ADGRL2: variants seen among roughly 807,000 people sequenced by gnomAD.
ADGRL2 encodes calcium-independent alpha-latrotoxin receptor 2.
Under a neutral mutation model 157.4 loss-of-function variants are expected in ADGRL2, and 44 were observed. That is an observed-to-expected ratio of 0.28 (90% confidence interval 0.22 to 0.36). ADGRL2 has a LOEUF of 0.36. ADGRL2 is among the 10% of genes least tolerant of loss of function. ADGRL2 has a pLI of 1.00. For missense variants in ADGRL2, 1,510 were observed against 1,768.9 expected (o/e 0.85, Z 2.63); for synonymous variants, 585 against 624.7 (o/e 0.94, Z 0.95).
At chr1:81,316,264 T>C (rs989110483) in intron 1 of ADGRL2, among the ~76,000 whole-genome samples, 5 of 152,212 alleles carry the variant, frequency 3.3e-5, no homozygotes, top group African/African-American at 9.6e-5. Flanking sequence ...CAGATTATAA[T>C]TAGTTAATTT....
At chr1:81,653,320 G>GTTTT (rs375033003) in intron 3 of ADGRL2, among the ~76,000 whole-genome samples, 13,056 of 135,056 alleles carry the variant, frequency 0.097, 673 homozygotes, top group Middle Eastern at 0.21. Flanking sequence ...AACCTTTAGG[G>GTTTT]TTTTTTTTTT....
At chr1:81,795,311 T>C (rs1024300877) in intron 2 of ADGRL2, among the ~76,000 whole-genome samples, 1 of 151,988 alleles carries the variant, frequency 6.6e-6, no homozygotes, top group Non-Finnish European at 1.5e-5. Flanking sequence ...GCCCAGAAGG[T>C]CAATGCTGCA....
intron 2 of ADGRL2, among the ~76,000 whole-genome samples, chr1:81,507,313 T>C (rs778899401): frequency 3.3e-5 from 5 of 152,058 alleles, no homozygotes; most frequent in Non-Finnish European, 7.4e-5. Context: ...TGATAGAAAG[T>C]TCTACAAGGC....
At chr1:81,725,981 T>TAAAAC (rs146873952) in intron 1 of ADGRL2, among the ~76,000 whole-genome samples, 8,443 of 151,886 alleles carry the variant, frequency 0.056, 559 homozygotes, top group East Asian at 0.36. Flanking sequence ...AGACCATGTC[T>TAAAAC]AAAACAAAAC....
chr1:81,746,868 G>A (rs1487080450), intron 1 of ADGRL2, among the ~76,000 whole-genome samples: 6 of 149,008 alleles, frequency 4.0e-5, no homozygotes, highest in Non-Finnish European at 7.4e-5. Context: ...ACGTATACAC[G>A]TATATACACA....
At chr1:81,473,346 G>A (rs1461493063) in intron 2 of ADGRL2, among the ~76,000 whole-genome samples, 1 of 152,162 alleles carries the variant, frequency 6.6e-6, no homozygotes, top group Admixed American at 6.5e-5. Context: ...AGTCTATTGA[G>A]CACTTGAGAT....
At chr1:81,356,952 C>CAAAAAAAAAAAAAAAGAAA (rs1663348799) in intron 1 of ADGRL2, among the ~76,000 whole-genome samples, 1 of 55,668 alleles carries the variant, frequency 1.8e-5, no homozygotes, top group African/African-American at 7.4e-5. Context: ...GACTCCGTCT[C>CAAAAAAAAAAAAAAAGAAA]AAAAAAAAAA....
chr1:81,901,611 A>C (rs2094488951), intron 2 of ADGRL2, among the ~76,000 whole-genome samples: 1 of 151,618 alleles, frequency 6.6e-6, no homozygotes, highest in Non-Finnish European at 1.5e-5. Flanking sequence ...TCTTCCCGTG[A>C]GTCAGTATTC....
chr1:81,358,815 C>T (rs1489823158), intron 1 of ADGRL2, among the ~76,000 whole-genome samples: 1 of 152,072 alleles, frequency 6.6e-6, no homozygotes, highest in Non-Finnish European at 1.5e-5. Flanking sequence ...TAATCAATTA[C>T]ACAAACTTAT....
At chr1:81,546,786 A>G (rs1324910816) in intron 2 of ADGRL2, among the ~76,000 whole-genome samples, 1 of 152,170 alleles carries the variant, frequency 6.6e-6, no homozygotes, top group Non-Finnish European at 1.5e-5. Flanking sequence ...TGAGGTACAC[A>G]TAATCTTAGG....
At chr1:81,846,325 T>C (rs1264792489) in intron 2 of ADGRL2, among the ~76,000 whole-genome samples, 1 of 149,242 alleles carries the variant, frequency 6.7e-6, no homozygotes, top group African/African-American at 2.5e-5. Flanking sequence ...AAATGATTTT[T>C]GTATCCCATG....
At chr1:81,973,093 G>C (rs1659232146) in intron 17 of ADGRL2, among the ~76,000 whole-genome samples, 1 of 152,044 alleles carries the variant, frequency 6.6e-6, no homozygotes, top group Middle Eastern at 3.4e-3. Context: ...ATGAAATTGA[G>C]AAAAACTTCT....
intron 1 of ADGRL2, among the ~76,000 whole-genome samples, chr1:81,322,206 G>A (rs1277838788): frequency 6.9e-6 from 1 of 144,994 alleles, no homozygotes; most frequent in African/African-American, 2.6e-5. Flanking sequence ...ATATATATAC[G>A]CACACACTGT....
intron 1 of ADGRL2, among the ~76,000 whole-genome samples, chr1:81,405,577 G>T (rs1161635377): frequency 6.7e-6 from 1 of 149,994 alleles, no homozygotes; most frequent in Non-Finnish European, 1.5e-5. Flanking sequence ...CTGAGCCTGG[G>T]AGGCAGAGGC....
intron 1 of ADGRL2, among the ~76,000 whole-genome samples, chr1:81,432,004 AG>A: frequency 6.6e-6 from 1 of 152,288 alleles, no homozygotes; most frequent in Middle Eastern, 3.4e-3. Context: ...ACCACCCAAA[AG>A]TTATTGCTAA....
intron 1 of ADGRL2, among the ~76,000 whole-genome samples, chr1:81,308,918 T>C: frequency 6.6e-6 from 1 of 152,182 alleles, no homozygotes; most frequent in East Asian, 1.9e-4. Flanking sequence ...TACTCCATTT[T>C]AGTGTGCCTT....
intron 2 of ADGRL2, among the ~76,000 whole-genome samples, chr1:81,473,395 A>C (rs1052245106): frequency 6.6e-6 from 1 of 152,178 alleles, no homozygotes; most frequent in Non-Finnish European, 1.5e-5. Flanking sequence ...ACTTATATAC[A>C]CACTGGATTT....
chr1:81,977,999 T>G (rs560945433), intron 17 of ADGRL2, among the ~76,000 whole-genome samples: 1 of 151,848 alleles, frequency 6.6e-6, no homozygotes, highest in East Asian at 1.9e-4. Context: ...TTTCTCTGTT[T>G]ATTTTTAGGA....
chr1:81,544,333 T>C (rs1348776472), intron 2 of ADGRL2, among the ~76,000 whole-genome samples: 1 of 152,188 alleles, frequency 6.6e-6, no homozygotes, highest in Non-Finnish European at 1.5e-5. Context: ...AAGAATATTC[T>C]CCATATATAT....
Sources: gnomAD v4.1 joint callset for allele counts (sites outside exome capture counted in the v4.1 genomes callset) on GRCh38, gnomAD v4.1.1 for gene constraint, MANE v1.5 for transcripts, NCBI Gene and HGNC (gene_info 2026-07-23, HGNC 2026-07-21) for gene names.